Variants in BIN3 observed in about 807,000 individuals in gnomAD.
The protein encoded by BIN3 is bridging integrator 3.
A neutral mutation model predicts 38.2 loss-of-function variants in BIN3; 41 were observed. The observed-to-expected ratio is 1.07, with a 90% confidence interval of 0.84 to 1.39. The LOEUF is 1.39. BIN3 is among the 40% of genes most tolerant of loss of function. BIN3 has a pLI of 0.00. For synonymous variants in BIN3, 145 were observed against 122.6 expected, an observed-to-expected ratio of 1.18 and a Z score of -1.21; for missense variants, 361 against 324.3, an observed-to-expected ratio of 1.11 and a Z score of -0.87.
chr8:22,640,274 C>T (rs1802505535), intron 2 of BIN3, among the ~76,000 whole-genome samples: 1 of 151,618 alleles, frequency 6.6e-6, no homozygotes, highest in Non-Finnish European at 1.5e-5. Context: ...GCCTCCCAGG[C>T]TCAAGCAATT....
rs911780020 is a variant in BIN3, at chr8:22,623,804, G to A, written c.615+111C>T. 3.0e-6 allele frequency: 4 copies of A among 1,340,016 alleles called. No homozygotes were observed. The East Asian group carries it at 7.5e-5, about 25-fold the overall frequency. 83.0% of individuals were successfully genotyped at this position (1,340,016 alleles called of 1,614,324 possible). ...ATTCCTTCAGGGCTTTGCCTGGGGT[G>A]GGTGCCCTGTCTTTACGGAGAATGG... is the stretch of plus-strand genomic sequence containing the variant. On this transcript the variant is annotated intron_variant, in intron 8 of 8. Coordinates refer to ENST00000276416, the MANE Select transcript of BIN3 (RefSeq NM_018688.6).
intron 6 of BIN3, chr8:22,626,440 T>A (rs1466971906): frequency 6.6e-6 from 1 of 152,208 alleles, no homozygotes. Flanking sequence ...AGGCAGCAGG[T>A]GCAGCTGGGC....
chr8:22,650,120 G>A (rs554226862), intron 1 of BIN3, among the ~76,000 whole-genome samples: 7 of 152,132 alleles, frequency 4.6e-5, no homozygotes, highest in East Asian at 1.9e-4. Context: ...CATTGCAACC[G>A]TTTCAAATTT....
intron 1 of BIN3, among the ~76,000 whole-genome samples, chr8:22,646,348 G>A (rs1018516108): frequency 2.0e-5 from 3 of 151,968 alleles, no homozygotes; most frequent in African/African-American, 2.4e-5. Flanking sequence ...CAAACCTCCC[G>A]TTTCCACAAT....
chr8:22,661,572 G>A (rs1457403232), intron 1 of BIN3, among the ~76,000 whole-genome samples: 1 of 151,496 alleles, frequency 6.6e-6, no homozygotes, highest in Non-Finnish European at 1.5e-5. Flanking sequence ...TGGCCAGGCT[G>A]GTCTTGAACT....
At chr8:22,640,354 A>ATT (rs35170682) in intron 2 of BIN3, among the ~76,000 whole-genome samples, 114 of 139,348 alleles carry the variant, frequency 8.2e-4, no homozygotes, top group East Asian at 2.3e-3. Context: ...TAATTTTTGA[A>ATT]TTTTTTTTTT....
At chr8:22,656,611 C>T (rs751018543) in intron 1 of BIN3, among the ~76,000 whole-genome samples, 12 of 152,106 alleles carry the variant, frequency 7.9e-5, no homozygotes, top group African/African-American at 1.4e-4. Flanking sequence ...AAAATGTTTC[C>T]GACTTTGGTA....
intron 1 of BIN3, among the ~76,000 whole-genome samples, chr8:22,658,962 C>G (rs1277948624): frequency 6.6e-6 from 1 of 152,208 alleles, no homozygotes; most frequent in Admixed American, 6.5e-5. Flanking sequence ...GAAGGACAAG[C>G]CCCTCCCCCG....
intron 6 of BIN3, chr8:22,625,682 G>A (rs143875714): frequency 7.8e-4 from 288 of 369,328 alleles, no homozygotes; most frequent in African/African-American, 5.3e-3. Flanking sequence ...CCACCTCCTG[G>A]GTTCCAGCAA....
intron 1 of BIN3, among the ~76,000 whole-genome samples, chr8:22,650,758 C>T (rs1397939093): frequency 6.6e-6 from 1 of 152,160 alleles, no homozygotes; most frequent in African/African-American, 2.4e-5. Flanking sequence ...TTTTTAGGCA[C>T]TAAAAATCTA....
At chr8:22,634,286 C>T in intron 4 of BIN3, 1 of 306,772 alleles carries the variant, frequency 3.3e-6, no homozygotes, top group Non-Finnish European at 6.5e-6. Context: ...CATAGTTTGG[C>T]AACGCTAGAG....
intron 1 of BIN3, among the ~76,000 whole-genome samples, chr8:22,666,676 T>C (rs1426192253): frequency 6.6e-6 from 1 of 152,164 alleles, no homozygotes; most frequent in Non-Finnish European, 1.5e-5. Flanking sequence ...TCACTCTTCA[T>C]GCAAAGTCCA....
At chr8:22,658,428 TTCTG>T (rs770204866) in intron 1 of BIN3, among the ~76,000 whole-genome samples, 9 of 152,382 alleles carry the variant, frequency 5.9e-5, no homozygotes, top group South Asian at 2.1e-4. Context: ...AGTTGGCTAA[TTCTG>T]TCTGTCTCAG....
At chr8:22,630,285 A>G (rs1366969583) in intron 5 of BIN3, among the ~76,000 whole-genome samples, 157 bp downstream of exon 5, 1 of 152,196 alleles carries the variant, frequency 6.6e-6, no homozygotes, top group African/African-American at 2.4e-5. Flanking sequence ...GTCTGGAAAG[A>G]GCCCTGTGGG....
In BIN3 at chr8:22,644,802, T is replaced by C; in HGVS notation, c.10A>G (p.Ile4Val). The change falls in exon 2 of 9, where the codon ATT (isoleucine) becomes GTT (valine). Residue 4 changes from isoleucine to valine, a missense_variant and splice_region_variant. Coordinates refer to ENST00000276416, the MANE Select transcript of BIN3 (RefSeq NM_018688.6). MSW[I>V]PFKIGQPKKQ... is the part of the protein sequence containing the mutation. ...TTGGGCTGCCCAATCTTAAAAGGAA[T>C]CCTATAAGAGAAAGAGACAAAGAGA... The C allele has an allele frequency of 6.2e-7, 1 of 1,609,580 alleles. No individual in the cohort carries two copies. The highest frequency in any genetic ancestry group is 8.5e-7 in the Non-Finnish European group (1 of 1,177,588).
chr8:22,624,003 T>C lies in BIN3; in HGVS notation c.527A>G (p.Asn176Ser), dbSNP rs1801926704. Reference protein sequence around the residue: ...RPVREDFEAKNRQLLEEMPRF... With the variant: ...RPVREDFEAKSRQLLEEMPRF... ...CGGCATCTCCTCCAGCAGCTGCCTGTTCTTGGCTTCAAAGTCCTCCCGCAC... is the reference window on the plus strand; with the variant it reads ...CGGCATCTCCTCCAGCAGCTGCCTGCTCTTGGCTTCAAAGTCCTCCCGCAC... Residue 176 changes from asparagine to serine, a missense_variant, in exon 8 of 9, where the codon AAC becomes AGC. Physicochemically the swap from Asn to Ser is conservative, Grantham distance 46. Transcript: ENST00000276416. 2 of 1,613,208 alleles carry C rather than the reference T, an allele frequency of 1.2e-6. No homozygotes were observed. The highest frequency in any genetic ancestry group is 1.7e-6 in the Non-Finnish European group (2 of 1,179,806).
At position 22,621,216 on chromosome 8, in the gene BIN3, T is replaced by TA; in HGVS notation, c.*205dup. On this transcript the variant is annotated 3_prime_UTR_variant, in exon 9 of 9. Transcript: ENST00000276416. The stretch of plus-strand genomic sequence containing the variant: ...GCCCCAAGGGTTTGTCTACACTGCT[T>TA]ACCTGCTGGGGCTGTGAGTGGGGAG... 1.6e-6 allele frequency: 1 copy of TA among 637,888 alleles called. No homozygotes were observed. The highest frequency in any genetic ancestry group is 2.0e-5 in the South Asian group (1 of 51,178). 39.5% of individuals were successfully genotyped at this position (637,888 alleles called of 1,614,324 possible).
chr8:22,649,942 A>T (rs1404088997), intron 1 of BIN3, among the ~76,000 whole-genome samples: 1 of 151,876 alleles, frequency 6.6e-6, no homozygotes, highest in Non-Finnish European at 1.5e-5. Flanking sequence ...ATTTTATATA[A>T]TTTTTAAATT....
At chr8:22,659,820 C>T (rs997956179) in intron 1 of BIN3, among the ~76,000 whole-genome samples, 1 of 152,122 alleles carries the variant, frequency 6.6e-6, no homozygotes, top group Non-Finnish European at 1.5e-5. Flanking sequence ...CTTCTAGGGT[C>T]GCTATGAAGG....
Sources: gnomAD v4.1 joint callset for allele counts (sites outside exome capture counted in the v4.1 genomes callset) on GRCh38, gnomAD v4.1.1 for gene constraint, MANE v1.5 for transcripts, NCBI Gene and HGNC (gene_info 2026-07-23, HGNC 2026-07-21) for gene names.